STK3: variants seen among roughly 807,000 people sequenced by gnomAD.
STK3 encodes serine/threonine kinase 3.
A neutral mutation model predicts 58.0 loss-of-function variants in STK3; 41 were observed. That is an observed-to-expected ratio of 0.71 (90% CI 0.55 to 0.92). The LOEUF (loss-of-function observed/expected upper bound fraction) is 0.92. STK3 is among the 40% of genes least tolerant of loss of function. STK3 has a pLI of 0.00. For synonymous variants in STK3, 170 were observed against 191.0 expected (o/e 0.89, Z 0.91); for missense variants, 479 against 602.7 (o/e 0.79, Z 2.15).
intron 1 of STK3, among the ~76,000 whole-genome samples, chr8:98,382,086 G>A (rs2131002014): frequency 6.6e-6 from 1 of 152,304 alleles, no homozygotes; most frequent in African/African-American, 2.4e-5. Context: ...AAGAAAAATA[G>A]TTGGGGACCT....
At chr8:98,490,894 G>T (rs962127424) in intron 10 of STK3, among the ~76,000 whole-genome samples, 1 of 152,160 alleles carries the variant, frequency 6.6e-6, no homozygotes, top group Non-Finnish European at 1.5e-5. Flanking sequence ...AGAGTCAGGG[G>T]CCTGATTTTT....
At chr8:98,723,828 T>C (rs905365016) in intron 4 of STK3, among the ~76,000 whole-genome samples, 5 of 152,236 alleles carry the variant, frequency 3.3e-5, no homozygotes, top group Non-Finnish European at 7.4e-5. Flanking sequence ...AACTCACCAA[T>C]GTAATCCTTA....
At chr8:98,673,360 T>C (rs1289018571) in intron 6 of STK3, among the ~76,000 whole-genome samples, 2 of 152,188 alleles carry the variant, frequency 1.3e-5, no homozygotes, top group Admixed American at 6.5e-5. Context: ...GTAGATATAG[T>C]ACTAACACCC....
chr8:98,568,992 G>T (rs1393441731), intron 8 of STK3, among the ~76,000 whole-genome samples: 2 of 152,168 alleles, frequency 1.3e-5, no homozygotes, highest in Non-Finnish European at 2.9e-5. Context: ...GTATACCAAG[G>T]CACATTATTA....
At chr8:98,417,633 T>G (rs1818130003) in intron 3 of STK3, among the ~76,000 whole-genome samples, 1 of 152,242 alleles carries the variant, frequency 6.6e-6, no homozygotes, top group Non-Finnish European at 1.5e-5. Flanking sequence ...ACTCAACCTT[T>G]CTGTGCCTGT....
At chr8:98,893,494 AAG>A (rs1474198764) in intron 1 of STK3, among the ~76,000 whole-genome samples, 1 of 117,114 alleles carries the variant, frequency 8.5e-6, no homozygotes, top group African/African-American at 2.9e-5. Context: ...AAGAGAAAGA[AAG>A]AAAGAAAGAA....
chr8:98,347,398 C>T, the STK3 span, among the ~76,000 whole-genome samples: 1 of 151,538 alleles, frequency 6.6e-6, no homozygotes, highest in Non-Finnish European at 1.5e-5. Context: ...GCCTGTAGTC[C>T]CAGCTACTCG....
intron 9 of STK3, among the ~76,000 whole-genome samples, chr8:98,546,744 T>G (rs1810731847): frequency 6.6e-6 from 1 of 152,068 alleles, no homozygotes; most frequent in African/African-American, 2.4e-5. Flanking sequence ...AAATCCAAGA[T>G]GTAGGCTGCT....
intron 10 of STK3, among the ~76,000 whole-genome samples, chr8:98,498,444 T>C (rs1272542579): frequency 1.3e-5 from 2 of 152,184 alleles, no homozygotes; most frequent in Admixed American, 6.6e-5. Context: ...ACACTCCCAC[T>C]GTGGTAGATC....
chr8:98,386,884 G>A (rs1024319722), intron 1 of STK3, among the ~76,000 whole-genome samples: 3 of 152,170 alleles, frequency 2.0e-5, no homozygotes, highest in African/African-American at 7.2e-5. Flanking sequence ...CACGAACCCC[G>A]GAGGTGGAGG....
At chr8:98,893,018 A>G (rs767726421) in intron 1 of STK3, among the ~76,000 whole-genome samples, 1 of 152,192 alleles carries the variant, frequency 6.6e-6, no homozygotes, top group Non-Finnish European at 1.5e-5. Context: ...TGGTTAGCCA[A>G]GAAAGAAAGG....
intron 8 of STK3, among the ~76,000 whole-genome samples, chr8:98,553,951 A>G (rs1454464579): frequency 6.6e-6 from 1 of 151,746 alleles, no homozygotes; most frequent in South Asian, 2.1e-4. Flanking sequence ...ACTCCATCCC[A>G]AAGGGAAAAA....
intron 1 of STK3, chr8:98,904,551 G>T (rs1838813044): frequency 2.0e-6 from 1 of 503,626 alleles, no homozygotes; most frequent in Non-Finnish European, 3.9e-6. Flanking sequence ...TCTCATATAT[G>T]CCCGCAGCCC....
At chr8:98,364,911 A>T in the STK3 span, among the ~76,000 whole-genome samples, 1 of 152,198 alleles carries the variant, frequency 6.6e-6, no homozygotes, top group African/African-American at 2.4e-5. Context: ...GCTGCCCTGC[A>T]TGACTCCAGT....
Position 98,592,741 on chromosome 8 carries a change from A to AC in STK3, c.822+3290_822+3291insG, listed in dbSNP as rs1170937262. ...GACTGCTCACTGACTTACTTTATTT[A>AC]TTTATTTATTTATTTATTTATTTAT... On this transcript the variant is annotated intron_variant, in intron 7 of 10. Transcript: ENST00000419617. Among the ~76,000 whole-genome samples, 6 of 134,816 alleles carry AC rather than the reference A, an allele frequency of 4.5e-5. No homozygotes were observed. The South Asian group carries it at 9.2e-4, about 21-fold the overall frequency. The allele number at this position is 134,816 out of a possible 152,430, so 88.4% of individuals were successfully genotyped here.
At chr8:98,431,995 G>A (rs1818341257) in intron 3 of STK3, 1 of 167,070 alleles carries the variant, frequency 6.0e-6, no homozygotes, top group African/African-American at 2.4e-5. Context: ...CTTAAACCCT[G>A]GAGCTAATTC....
chr8:98,415,209 C>T (rs946377903), intron 3 of STK3, among the ~76,000 whole-genome samples: 3 of 152,324 alleles, frequency 2.0e-5, no homozygotes, highest in Admixed American at 6.5e-5. Flanking sequence ...TCGCCAGACA[C>T]CAGTCCTGCC....
At chr8:98,889,590 T>A (rs1282131856) in intron 1 of STK3, among the ~76,000 whole-genome samples, 2 of 152,242 alleles carry the variant, frequency 1.3e-5, no homozygotes, top group Non-Finnish European at 2.9e-5. Context: ...TCCTTGGGCA[T>A]GTTTTAAAAG....
chr8:98,831,459 G>GT (rs1835532203), intron 3 of STK3, among the ~76,000 whole-genome samples: 1 of 152,110 alleles, frequency 6.6e-6, no homozygotes, highest in Non-Finnish European at 1.5e-5. Context: ...GTCTCACTAT[G>GT]TTACCCAGAC....
Sources: gnomAD v4.1 joint callset for allele counts (sites outside exome capture counted in the v4.1 genomes callset) on GRCh38, gnomAD v4.1.1 for gene constraint, MANE v1.5 for transcripts, NCBI Gene and HGNC (gene_info 2026-07-23, HGNC 2026-07-21) for gene names.